The following TRAPPC12 variants were observed in gnomAD, a reference collection of about 807,000 sequenced individuals.
TRAPPC12 encodes the protein TPR repeat protein 15.
In TRAPPC12, 61 loss-of-function variants were observed where a neutral mutation model predicts 69.2. The observed-to-expected ratio is 0.88, with a 90% CI of 0.72 to 1.09. TRAPPC12 has a LOEUF of 1.09. Ranked by LOEUF, TRAPPC12 falls within the 50% of genes least tolerant of loss-of-function variation. The probability of loss-of-function intolerance (pLI) is 0.00; values close to 1 mark genes in which losing one functional copy is unlikely to be tolerated. For synonymous variants in TRAPPC12, 469 were observed against 438.9 expected (o/e 1.07, Z -0.86); for missense variants, 1,101 against 1,016.4 (o/e 1.08, Z -1.13).
At chr2:3,406,091 C>G (rs1264825112) in intron 3 of TRAPPC12, among the ~76,000 whole-genome samples, 3 of 152,152 alleles carry the variant, frequency 2.0e-5, no homozygotes, top group African/African-American at 7.2e-5. Flanking sequence ...AGGACCCTTC[C>G]AGACTCAGAG....
At chr2:3,459,878 G>A in intron 7 of TRAPPC12, 1 of 339,910 alleles carries the variant, frequency 2.9e-6, no homozygotes, top group African/African-American at 2.2e-5. Flanking sequence ...CGGCCACCCT[G>A]GCCAGTGGCC....
rs1380694008 is a variant in TRAPPC12 at position 3,393,688 on chromosome 2, T to A, written c.1047+5018T>A. On this transcript the variant is annotated intron_variant, in intron 2 of 11. Coordinates refer to ENST00000324266, the MANE Select transcript of TRAPPC12 (RefSeq NM_016030.6). Reference sequence around the variant, plus strand: ...ATATGCCTTTTCTATTTACCCACATTTAAAAAAAAAAAAAAAGAACTGGAA... The same window carrying A: ...ATATGCCTTTTCTATTTACCCACATATAAAAAAAAAAAAAAAGAACTGGAA... Among the ~76,000 whole-genome samples, 13 of 91,224 alleles carry A rather than the reference T, an allele frequency of 1.4e-4. No homozygotes were observed. The East Asian group carries it at 4.7e-3, about 33-fold the overall frequency. The allele number at this position is 91,224 out of a possible 152,430, so 59.8% of individuals were successfully genotyped here. A position where few individuals can be genotyped will look rare whatever the true frequency, so the allele number is the denominator to read the frequency against.
intron 5 of TRAPPC12, among the ~76,000 whole-genome samples, chr2:3,443,029 C>A (rs1475821297): frequency 6.6e-6 from 1 of 152,172 alleles, no homozygotes; most frequent in Non-Finnish European, 1.5e-5. Flanking sequence ...ATTCCAAATC[C>A]TATTAGAAGA....
chr2:3,447,530 C>A (rs1309484906), intron 6 of TRAPPC12, among the ~76,000 whole-genome samples: 1 of 152,130 alleles, frequency 6.6e-6, no homozygotes, highest in Non-Finnish European at 1.5e-5. Flanking sequence ...AGGTAACTAA[C>A]AGAGCCAGAA....
chr2:3,383,848 T>C (rs62120470), intron 1 of TRAPPC12, among the ~76,000 whole-genome samples: 20,703 of 145,602 alleles, frequency 0.14, 1,918 homozygotes, highest in Non-Finnish European at 0.19. Flanking sequence ...GTGCTACATA[T>C]TCCCTTGTGA....
At chr2:3,464,918 G>C (rs760372733) in intron 8 of TRAPPC12, among the ~76,000 whole-genome samples, 1 of 152,244 alleles carries the variant, frequency 6.6e-6, no homozygotes, top group Non-Finnish European at 1.5e-5. Context: ...AGGGCAGAGC[G>C]ATGAGGAATC....
intron 3 of TRAPPC12, among the ~76,000 whole-genome samples, chr2:3,403,426 G>T (rs1303346933): frequency 6.6e-6 from 1 of 151,926 alleles, no homozygotes; most frequent in African/African-American, 2.4e-5. Flanking sequence ...TAGAGACAGG[G>T]TTTCACCATG....
At chr2:3,474,991 A>G (rs1323216632) in intron 9 of TRAPPC12, among the ~76,000 whole-genome samples, 1 of 152,210 alleles carries the variant, frequency 6.6e-6, no homozygotes, top group Non-Finnish European at 1.5e-5. Context: ...AGAGTAAAAG[A>G]CAGTGCTCTT....
chr2:3,424,771 GA>G, intron 5 of TRAPPC12, 108 bp downstream of exon 5: 3 of 1,255,478 alleles, frequency 2.4e-6, no homozygotes, highest in Middle Eastern at 2.2e-4. Flanking sequence ...ATCCAGTCTT[GA>G]AAAATCAGAT....
chr2:3,388,504 T>G lies in TRAPPC12; in HGVS notation c.881T>G (p.Phe294Cys). ...GTGTTTGCAGGGAGTGACGACCCCT[T>G]TGCCACCGCCCTGAGCATGAGCGAG... ...QAVFAGSDDP[F>C]ATALSMSEMD... The change falls in exon 2 of 12, where the codon TTT becomes TGT. Residue 294 changes from phenylalanine to cysteine, a missense_variant. Phe to Cys is a radical substitution (Grantham distance 205). Transcript: ENST00000324266. 1 of 1,612,820 alleles carries G rather than the reference T, an allele frequency of 6.2e-7. No homozygotes were observed. Among genetic ancestry groups the G allele is most frequent in the Admixed American group, 1.7e-5 (1 of 59,998 alleles).
rs538386042 is a variant in TRAPPC12, at chr2:3,414,599, G to A, written c.1165-7282G>A. 4.0e-5 allele frequency among the ~76,000 whole-genome samples: 6 copies of A among 151,842 alleles called. No individual in the cohort carries two copies. In the East Asian group the frequency reaches 1.2e-3, roughly 29 times the overall value. ...CTTGAACGTGCTCTGCCGTGTGTCG[G>A]CCCGTTTCCTGAATCCTCAGGCATC... On this transcript the variant is annotated intron_variant, in intron 3 of 11. Coordinates refer to ENST00000324266, the MANE Select transcript of TRAPPC12 (RefSeq NM_016030.6). The surrounding 1 kb of genome is among the most constrained non-coding windows in gnomAD (Gnocchi z 4.9).
intron 5 of TRAPPC12, among the ~76,000 whole-genome samples, chr2:3,436,905 A>C (rs910369449): frequency 1.0e-4 from 4 of 38,304 alleles, no homozygotes; most frequent in Admixed American, 4.1e-4. Context: ...TAATCTCCCC[A>C]CCACCCCTGG....
chr2:3,438,218 C>T (rs1158892887), intron 5 of TRAPPC12, among the ~76,000 whole-genome samples: 24 of 96,582 alleles, frequency 2.5e-4, no homozygotes, highest in Non-Finnish European at 3.6e-4. Flanking sequence ...TCATCCCCCA[C>T]CACCCCTGGA....
intron 3 of TRAPPC12, among the ~76,000 whole-genome samples, chr2:3,418,872 G>A (rs888764422): frequency 6.6e-6 from 1 of 152,184 alleles, no homozygotes; most frequent in African/African-American, 2.4e-5. Context: ...AGCCTGCAAA[G>A]GCCAGCACAC....
At chr2:3,387,568 T>C in intron 1 of TRAPPC12, 52 bp from the exon 2 acceptor site, 1 of 1,370,742 alleles carries the variant, frequency 7.3e-7, no homozygotes. Flanking sequence ...ATTTTTCGGT[T>C]GAGGTGAATG....
At chr2:3,458,183 C>G in intron 7 of TRAPPC12, 1 of 1,000,944 alleles carries the variant, frequency 1.0e-6, no homozygotes, top group Middle Eastern at 5.1e-4. Flanking sequence ...TTGGAAACCC[C>G]TTGGGGGACT....
At chr2:3,383,971 C>A (rs2103419019) in intron 1 of TRAPPC12, among the ~76,000 whole-genome samples, 1 of 139,820 alleles carries the variant, frequency 7.2e-6, no homozygotes, top group African/African-American at 2.6e-5. Context: ...TCTCGGCTCA[C>A]TGCAACCTCC....
intron 3 of TRAPPC12, among the ~76,000 whole-genome samples, chr2:3,413,675 G>A (rs62120500): frequency 0.31 from 47,691 of 152,022 alleles, 7,801 homozygotes; most frequent in Middle Eastern, 0.41. Context: ...AGAATACTGT[G>A]CCATTGTCCA....
intron 1 of TRAPPC12, among the ~76,000 whole-genome samples, chr2:3,387,386 T>C (rs1478566536): frequency 6.6e-6 from 1 of 152,148 alleles, no homozygotes; most frequent in Non-Finnish European, 1.5e-5. Flanking sequence ...GGAATTTTAG[T>C]TTTGCAAGAT....
Sources: gnomAD v4.1 joint callset for allele counts (sites outside exome capture counted in the v4.1 genomes callset) on GRCh38, gnomAD v4.1.1 for gene constraint, Gnocchi (gnomAD v3.1) non-coding constraint, MANE v1.5 for transcripts, NCBI Gene and HGNC (gene_info 2026-07-23, HGNC 2026-07-21) for gene names.